The following SPTBN4 variants were observed in gnomAD, a reference collection of about 807,000 sequenced individuals.
SPTBN4 encodes the protein spectrin beta chain, non-erythrocytic 4.
In SPTBN4, 96 loss-of-function variants were observed where a neutral mutation model predicts 277.8. The observed-to-expected ratio is 0.35, with a 90% CI of 0.29 to 0.41. The LOEUF is 0.41. Ranked by LOEUF, SPTBN4 falls within the 10% of genes least tolerant of loss-of-function variation. The pLI, the probability that SPTBN4 is intolerant of heterozygous loss-of-function variation, is 1.00. For synonymous variants in SPTBN4, 1,481 were observed against 1,580.3 expected, an observed-to-expected ratio of 0.94 and a Z score of 1.49; for missense variants, 3,006 against 3,595.7, an observed-to-expected ratio of 0.84 and a Z score of 4.19.
At chr19:40,529,670 T>C (rs1193661174) in intron 18 of SPTBN4, among the ~76,000 whole-genome samples, 1 of 152,130 alleles carries the variant, frequency 6.6e-6, no homozygotes, top group African/African-American at 2.4e-5. Context: ...TTAGTGACGG[T>C]TCAGGAGACC....
intron 20 of SPTBN4, among the ~76,000 whole-genome samples, chr19:40,542,446 G>C (rs2080812437): frequency 6.6e-6 from 1 of 152,076 alleles, no homozygotes; most frequent in South Asian, 2.1e-4. Context: ...TCAAGTCCTG[G>C]CTCCCCAGCC....
chr19:40,512,700 C>T lies in SPTBN4; in HGVS notation c.1911C>T (p.Arg637=). The T allele has an allele frequency of 6.5e-7, 1 of 1,526,902 alleles. No individual in the cohort carries two copies. The highest frequency in any genetic ancestry group is 1.2e-5 in the South Asian group (1 of 83,858). The allele number at this position is 1,526,902 out of a possible 1,614,324, so 94.6% of individuals were successfully genotyped here. A position where few individuals can be genotyped will look rare whatever the true frequency, so the allele number is the denominator to read the frequency against. ...TGCAGGAGCAGGCAGCGCGGCGACG[C>T]GCGGAGCTGGAGGCTTCGCGGAGCC... ...AELQEQAARR[R]AELEASRSLW... The change falls in exon 14 of 36, where the codon CGC becomes CGT. Residue 637 remains arginine (R), a synonymous_variant. Transcript: ENST00000598249.
intron 20 of SPTBN4, among the ~76,000 whole-genome samples, chr19:40,537,973 G>A (rs1475597140): frequency 6.6e-6 from 1 of 152,230 alleles, no homozygotes; most frequent in Non-Finnish European, 1.5e-5. Context: ...GAAGCATATA[G>A]GGCTGTGGGA....
rs2081160983 is a variant in SPTBN4 at position 40,572,096 on chromosome 19, G to C, written c.7397G>C (p.Gly2466Ala). Residue 2466 changes from glycine (G) to alanine (A), a missense_variant, in exon 34 of 36, where the codon GGG becomes GCG. Gly to Ala is a moderately conservative substitution (Grantham distance 60). This residue lies in a region of SPTBN4 where 630 missense variants were observed against 677.6 expected (regional missense o/e 0.93). Coordinates refer to ENST00000598249, the MANE Select transcript of SPTBN4 (RefSeq NM_020971.3). ...AAGGACTCCAAGGGCCCGGCATCCG[G>C]GAGCACACACGGTGGGGAACCGCTG... ...FYKDSKGPAS[G>A]STHGGEPLLS... is the part of the protein sequence containing the mutation. The C allele has an allele frequency of 3.7e-6, 6 of 1,613,162 alleles. No homozygotes were observed. The Middle Eastern group carries it at 5.0e-4, about 133-fold the overall frequency.
At chr19:40,537,597 C>T (rs1157392341) in intron 20 of SPTBN4, among the ~76,000 whole-genome samples, 1 of 152,180 alleles carries the variant, frequency 6.6e-6, no homozygotes, top group African/African-American at 2.4e-5. Flanking sequence ...CTCCTCTCTC[C>T]TCCCCAACAG....
chr19:40,470,955 CTT>C (rs35396125), intron 1 of SPTBN4, among the ~76,000 whole-genome samples: 25 of 145,844 alleles, frequency 1.7e-4, no homozygotes, highest in Non-Finnish European at 3.2e-4. Context: ...ATTCTATCAC[CTT>C]TTTTTTTTTT....
chr19:40,523,363 G>A (rs2080550979), intron 16 of SPTBN4, 74 bp from the exon 17 acceptor site: 4 of 1,451,688 alleles, frequency 2.8e-6, no homozygotes, highest in Non-Finnish European at 3.7e-6. Context: ...GTGGTGGCAA[G>A]CCAGGCTGGC....
Position 40,554,415 on chromosome 19 carries a change from A to T in SPTBN4, c.4943A>T (p.Asp1648Val). The T allele has an allele frequency of 6.4e-7, 1 of 1,573,916 alleles. No individual in the cohort carries two copies. The highest frequency in any genetic ancestry group is 8.6e-7 in the Non-Finnish European group (1 of 1,158,588). ...GEQELLMMSE[D>V]KGKDEQSTLQ... ...CAGGAGCTGCTCATGATGAGTGAGG[A>T]CAAGGGCAAGGTGCGCCCGAGCTGG... The change falls in exon 23 of 36, where the codon GAC becomes GTC. Residue 1648 changes from aspartate (D) to valine (V), a missense_variant. This residue lies in a region of SPTBN4 where 1,759 missense variants were observed against 2,061.5 expected (regional missense o/e 0.85). Transcript: ENST00000598249. The surrounding 1 kb of genome is among the most constrained non-coding windows in gnomAD (Gnocchi z 5.7).
At chr19:40,477,822 A>G (rs1469525303) in intron 2 of SPTBN4, among the ~76,000 whole-genome samples, 1 of 151,938 alleles carries the variant, frequency 6.6e-6, no homozygotes, top group Non-Finnish European at 1.5e-5. Flanking sequence ...TGATGATGGG[A>G]GAGGAGCCAG....
In SPTBN4 at chr19:40,513,228, C is replaced by A; in HGVS notation, c.2439C>A (p.Arg813=). The change falls in exon 14 of 36, where the codon CGC becomes CGA. Residue 813 remains arginine, a synonymous_variant. Transcript: ENST00000598249. The part of the protein sequence containing the change: ...HDEASSRRLA[R]QHRALTGEVE... ...AAGCTTCCAGCCGCCGCCTGGCGCG[C>A]CAGCACCGCGCGCTCACCGGGGAGG... 6.6e-7 allele frequency: 1 copy of A among 1,514,480 alleles called. No individual in the cohort carries two copies. Among genetic ancestry groups the A allele is most frequent in the South Asian group, 1.2e-5 (1 of 81,874 alleles). The allele number at this position is 1,514,480 out of a possible 1,614,324, so 93.8% of individuals were successfully genotyped here.
intron 22 of SPTBN4, among the ~76,000 whole-genome samples, chr19:40,550,766 G>A (rs1308713383): frequency 1.3e-5 from 2 of 152,056 alleles, no homozygotes; most frequent in African/African-American, 2.4e-5. Flanking sequence ...TGATCCACTC[G>A]CCTCAGCCTC....
rs370660781 is a variant in SPTBN4, at chr19:40,575,379, A to G, written c.7537-32A>G. 8.6e-5 allele frequency: 138 copies of G among 1,601,072 alleles called. No homozygotes were observed. The highest frequency in any genetic ancestry group is 1.4e-4 in the South Asian group (13 of 89,970). ...TATTATTCCAGCTTCTCTCTTCCAA[A>G]TACGGCCTCTGTGCCCTGTTTCTTC... On this transcript the variant is annotated intron_variant, in intron 35 of 35. Transcript: ENST00000598249.
At chr19:40,545,481 C>T (rs146454017) in intron 20 of SPTBN4, among the ~76,000 whole-genome samples, 2 of 152,302 alleles carry the variant, frequency 1.3e-5, no homozygotes, top group East Asian at 3.9e-4. Context: ...CAAAGACCTG[C>T]CAAATTGCCT....
chr19:40,471,381 T>C (rs1408884837), intron 1 of SPTBN4, among the ~76,000 whole-genome samples: 1 of 152,190 alleles, frequency 6.6e-6, no homozygotes, highest in East Asian at 1.9e-4. Context: ...ATTAAATTTG[T>C]GGAAATAATA....
chr19:40,549,168 A>C lies in SPTBN4; in HGVS notation c.4360-21A>C, dbSNP rs762103003. 1.3e-5 allele frequency: 20 copies of C among 1,528,094 alleles called. No homozygotes were observed. In the African/African-American group the frequency reaches 2.4e-4, roughly 18 times the overall value. The allele number at this position is 1,528,094 out of a possible 1,614,324, so 94.7% of individuals were successfully genotyped here. A position where few individuals can be genotyped will look rare whatever the true frequency, so the allele number is the denominator to read the frequency against. The stretch of plus-strand genomic sequence containing the variant: ...TCAGGAGGGCGGGTGGGGCCCATTG[A>C]CCCTGCCTCTGTCCCCACAGTCCAT... On this transcript the variant is annotated intron_variant, in intron 20 of 35. Transcript: ENST00000598249.
rs970550719 is a variant in SPTBN4, at chr19:40,570,614, C to G, written c.7205C>G (p.Pro2402Arg). The change falls in exon 33 of 36, where the codon CCG becomes CGG. Residue 2402 changes from proline (P) to arginine (R), a missense_variant. Pro to Arg is a moderately radical substitution (Grantham distance 103, BLOSUM62 -2). Coordinates refer to ENST00000598249, the MANE Select transcript of SPTBN4 (RefSeq NM_020971.3). ...GGAAGCCGGCGCTCGCGCTCCGCCC[C>G]GGCCCAGGGCGGCTCCGCCCCCGCG... ...GGGSRRSRSAPAQGGSAPAPP... is the reference protein window; with the variant it reads ...GGGSRRSRSARAQGGSAPAPP... 1.4e-6 allele frequency: 2 copies of G among 1,420,498 alleles called. No homozygotes were observed. The highest frequency in any genetic ancestry group is 3.0e-5 in the East Asian group (1 of 33,164). The allele number at this position is 1,420,498 out of a possible 1,614,324, so 88.0% of individuals were successfully genotyped here.
chr19:40,521,296 G>A (rs814540), intron 16 of SPTBN4, among the ~76,000 whole-genome samples: 22,716 of 152,148 alleles, frequency 0.15, 2,356 homozygotes, highest in African/African-American at 0.29. Context: ...GTGGGAAAAG[G>A]AGGAATGTTT....
In SPTBN4 at chr19:40,513,277, A is replaced by T. The variant is rs1294941794; in HGVS notation, c.2488A>T (p.Ser830Cys). The change falls in exon 14 of 36, where the codon AGC (serine) becomes TGC (cysteine). Residue 830 changes from serine (S) to cysteine (C), a missense_variant. Physicochemically the swap from Ser to Cys is moderately radical, Grantham distance 112. Coordinates refer to ENST00000598249, the MANE Select transcript of SPTBN4 (RefSeq NM_020971.3). ...GEVEAHRGPVSGLRRQLATLG... is the reference protein window; with the variant it reads ...GEVEAHRGPVCGLRRQLATLG... ...GGTGGAGGCACATCGCGGGCCCGTG[A>T]GCGGCCTGCGGCGCCAGCTGGCGAC... 1.3e-6 allele frequency: 2 copies of T among 1,536,714 alleles called. No individual in the cohort carries two copies. The highest frequency in any genetic ancestry group is 4.0e-5 in the Admixed American group (2 of 49,634).
At chr19:40,503,704 G>A in intron 11 of SPTBN4, 126 bp from the exon 12 acceptor site, 1 of 1,063,006 alleles carries the variant, frequency 9.4e-7, no homozygotes, top group Non-Finnish European at 1.3e-6. Context: ...TGGTCTCCAG[G>A]ATAACTAGGG....
Sources: allele counts gnomAD v4.1 joint callset (sites outside exome capture counted in the v4.1 genomes callset), GRCh38; gene constraint gnomAD v4.1.1; regional missense constraint gnomAD v4.1.1; non-coding constraint Gnocchi (gnomAD v3.1); transcripts MANE v1.5; gene names NCBI Gene and HGNC (gene_info 2026-07-23, HGNC 2026-07-21).